RBFOX1: variants seen among roughly 807,000 people sequenced by gnomAD.
RBFOX1 encodes RNA binding fox-1 homolog 1.
RBFOX1 carries 8 observed loss-of-function variants against 57.7 expected under a neutral mutation model. That is an observed-to-expected ratio of 0.14 (90% confidence interval 0.08 to 0.25). RBFOX1 has a LOEUF of 0.25. Ranked by LOEUF, RBFOX1 falls within the 10% of genes least tolerant of loss-of-function variation. The pLI, the probability that RBFOX1 is intolerant of heterozygous loss-of-function variation, is 1.00. For missense variants in RBFOX1, 611 were observed against 548.5 expected (o/e 1.11, Z -1.14); for synonymous variants, 326 against 222.4 (o/e 1.47, Z -4.15).
intron 11 of RBFOX1, among the ~76,000 whole-genome samples, chr16:7,632,698 T>C (rs1422146002): frequency 2.6e-5 from 4 of 152,238 alleles, no homozygotes; most frequent in African/African-American, 4.8e-5. Flanking sequence ...TATTTTTTTC[T>C]CTAACATTGC....
At chr16:5,867,937 C>G (rs759338235) in intron 4 of RBFOX1, among the ~76,000 whole-genome samples, 12 of 152,146 alleles carry the variant, frequency 7.9e-5, no homozygotes, top group Non-Finnish European at 1.8e-4. Flanking sequence ...GTCTCAAACT[C>G]CTGGCCTCAA....
At chr16:6,439,520 C>G (rs963538909) in intron 2 of RBFOX1, among the ~76,000 whole-genome samples, 6 of 152,174 alleles carry the variant, frequency 3.9e-5, no homozygotes, top group Non-Finnish European at 7.3e-5. Context: ...TTCCTCATGC[C>G]TCCTGAGCTG....
intron 1 of RBFOX1, among the ~76,000 whole-genome samples, chr16:6,238,420 G>A (rs978611896): frequency 3.3e-5 from 5 of 152,094 alleles, no homozygotes; most frequent in Non-Finnish European, 5.9e-5. Flanking sequence ...AATTTAAATA[G>A]TGACTCTCCT....
At chr16:7,575,689 T>C (rs1034978275) in intron 5 of RBFOX1, among the ~76,000 whole-genome samples, 2 of 152,192 alleles carry the variant, frequency 1.3e-5, no homozygotes, top group Non-Finnish European at 2.9e-5. Context: ...CCAGTGGCTT[T>C]AAGCCGCCAG....
At chr16:6,731,097 G>C (rs1212623439) in intron 3 of RBFOX1, among the ~76,000 whole-genome samples, 1 of 152,070 alleles carries the variant, frequency 6.6e-6, no homozygotes, top group African/African-American at 2.4e-5. Context: ...TGGAAAACTG[G>C]TTATATTCCT....
chr16:7,198,246 C>G (rs2087310476), intron 4 of RBFOX1, among the ~76,000 whole-genome samples: 1 of 152,068 alleles, frequency 6.6e-6, no homozygotes, highest in Admixed American at 6.5e-5. Context: ...ACGTCGTGAT[C>G]TGCCTGCCTT....
At chr16:6,792,319 C>T (rs1187157875) in intron 3 of RBFOX1, among the ~76,000 whole-genome samples, 1 of 152,114 alleles carries the variant, frequency 6.6e-6, no homozygotes, top group Non-Finnish European at 1.5e-5. Context: ...TCAGGATGAT[C>T]CCTAAGGACG....
chr16:6,019,998 T>G lies in RBFOX1; in HGVS notation c.-127+6T>G. 6.6e-7 allele frequency: 1 copy of G among 1,518,966 alleles called. No individual in the cohort carries two copies. Among genetic ancestry groups the G allele is most frequent in the Non-Finnish European group, 8.8e-7 (1 of 1,135,190 alleles). 94.1% of individuals were successfully genotyped at this position (1,518,966 alleles called of 1,614,324 possible). On this transcript the variant is annotated splice_donor_region_variant and intron_variant, in intron 1 of 15. Coordinates refer to ENST00000550418, the MANE Select transcript of RBFOX1 (RefSeq NM_018723.4). This position sits in a 1 kb window ranked among gnomAD's most constrained non-coding sequence, Gnocchi z 4.2. ...GGGCTCGCCGGGAGTTCTAGGTAAGTCCAGGCGGAGTCATTGCCTCTGCAC... is the reference window on the plus strand; with the variant it reads ...GGGCTCGCCGGGAGTTCTAGGTAAGGCCAGGCGGAGTCATTGCCTCTGCAC...
chr16:6,354,273 C>G (rs369959455), intron 2 of RBFOX1, among the ~76,000 whole-genome samples: 1 of 151,988 alleles, frequency 6.6e-6, no homozygotes, highest in Non-Finnish European at 1.5e-5. Context: ...AAAATAGCAA[C>G]AGTTTTCCGA....
At chr16:6,687,755 T>C (rs545325908) in intron 3 of RBFOX1, among the ~76,000 whole-genome samples, 29 of 152,182 alleles carry the variant, frequency 1.9e-4, no homozygotes, top group Non-Finnish European at 1.0e-4. Context: ...TACTCTGTTA[T>C]AGGTCAGCCC....
intron 2 of RBFOX1, among the ~76,000 whole-genome samples, chr16:6,506,450 G>A (rs1429578238): frequency 6.6e-6 from 1 of 151,940 alleles, no homozygotes; most frequent in African/African-American, 2.4e-5. Context: ...CGTGGTCAAA[G>A]GCAGTGAGAA....
At chr16:7,274,885 A>G (rs955458078) in intron 4 of RBFOX1, among the ~76,000 whole-genome samples, 3 of 152,026 alleles carry the variant, frequency 2.0e-5, no homozygotes, top group Non-Finnish European at 2.9e-5. Flanking sequence ...GGATTTTGCC[A>G]TGTTAGCCAG....
chr16:6,971,687 G>C (rs530244150), intron 3 of RBFOX1, among the ~76,000 whole-genome samples: 2 of 152,254 alleles, frequency 1.3e-5, no homozygotes, highest in African/African-American at 2.4e-5. Context: ...AGAGATGACT[G>C]TTGTTGGGGT....
chr16:7,473,580 C>T (rs2062005665), intron 4 of RBFOX1, among the ~76,000 whole-genome samples: 2 of 151,138 alleles, frequency 1.3e-5, no homozygotes, highest in South Asian at 2.1e-4. Flanking sequence ...TGCTTGTTTT[C>T]CTCTTTACCT....
chr16:7,282,915 T>C (rs2095575168), intron 4 of RBFOX1, among the ~76,000 whole-genome samples: 1 of 152,214 alleles, frequency 6.6e-6, no homozygotes, highest in African/African-American at 2.4e-5. Flanking sequence ...ATTAATTCAT[T>C]ACTTTTTTAT....
At chr16:5,429,673 C>G (rs1295797811) in intron 1 of RBFOX1, among the ~76,000 whole-genome samples, 2 of 152,208 alleles carry the variant, frequency 1.3e-5, no homozygotes, top group Non-Finnish European at 2.9e-5. Flanking sequence ...TAGTTCAACC[C>G]TACCTCTGAG....
At chr16:5,784,863 A>G (rs370182399) in intron 3 of RBFOX1, among the ~76,000 whole-genome samples, 2 of 152,066 alleles carry the variant, frequency 1.3e-5, no homozygotes, top group African/African-American at 2.4e-5. Context: ...CCAGACACTG[A>G]ATCTCCCGGT....
chr16:7,225,712 G>A (rs1231548141), intron 4 of RBFOX1, among the ~76,000 whole-genome samples: 2 of 132,356 alleles, frequency 1.5e-5, no homozygotes, highest in Non-Finnish European at 3.1e-5. Flanking sequence ...TTTGTCAAAA[G>A]TAGAATATAT....
At chr16:7,609,379 T>A (rs1222319322) in intron 10 of RBFOX1, among the ~76,000 whole-genome samples, 2 of 152,072 alleles carry the variant, frequency 1.3e-5, no homozygotes, top group Non-Finnish European at 2.9e-5. Flanking sequence ...TACTTGTGCT[T>A]TCGTAGCCAC....
Sources: gnomAD v4.1 joint callset for allele counts (sites outside exome capture counted in the v4.1 genomes callset) on GRCh38, gnomAD v4.1.1 for gene constraint, Gnocchi (gnomAD v3.1) non-coding constraint, MANE v1.5 for transcripts, NCBI Gene and HGNC (gene_info 2026-07-23, HGNC 2026-07-21) for gene names.